The following FHAD1 variants were observed in gnomAD, a reference collection of about 807,000 sequenced individuals.
FHAD1 encodes the protein forkhead associated phosphopeptide binding domain 1.
In FHAD1, 146 loss-of-function variants were observed where a neutral mutation model predicts 191.3. The ratio of observed to expected loss-of-function variants is 0.76; its 90% confidence interval spans 0.67 to 0.88. FHAD1 has a LOEUF of 0.88. Among genes scored for constraint, FHAD1 ranks in the 40% least tolerant of loss-of-function variants. FHAD1 has a pLI of 0.00. For synonymous variants in FHAD1, 616 were observed against 672.3 expected (o/e 0.92, Z 1.29); for missense variants, 1,635 against 1,785.8 (o/e 0.92, Z 1.52).
chr1:15,382,750 A>G (rs1701202982), intron 31 of FHAD1, among the ~76,000 whole-genome samples: 1 of 152,212 alleles, frequency 6.6e-6, no homozygotes, highest in Non-Finnish European at 1.5e-5. Flanking sequence ...CAGTCCAGGA[A>G]GGGCACTCAG....
intron 21 of FHAD1, 85 bp downstream of exon 21, chr1:15,358,368 G>A (rs1177612404): frequency 3.7e-6 from 5 of 1,365,972 alleles, no homozygotes; most frequent in South Asian, 2.8e-5. Flanking sequence ...TTAGACCGGG[G>A]CTTCTCAGCC....
At chr1:15,296,588 G>C (rs1422920837) in intron 4 of FHAD1, 96 bp from the exon 5 acceptor site, 1 of 1,108,940 alleles carries the variant, frequency 9.0e-7, no homozygotes, top group Admixed American at 2.0e-5. Context: ...TCAATCTCTG[G>C]GGGGAAACAA....
intron 2 of FHAD1, among the ~76,000 whole-genome samples, chr1:15,257,517 G>A (rs1648804791): frequency 6.6e-6 from 1 of 152,194 alleles, no homozygotes; most frequent in South Asian, 2.1e-4. Context: ...ATCAGGACGC[G>A]CCCGTTCACC....
intron 2 of FHAD1, among the ~76,000 whole-genome samples, chr1:15,258,587 T>C (rs1649464696): frequency 6.6e-6 from 1 of 151,302 alleles, no homozygotes; most frequent in Non-Finnish European, 1.5e-5. Flanking sequence ...TGTCTCTCTT[T>C]TTTTTTTTTT....
Position 15,357,996 on chromosome 1 carries a change from G to A in FHAD1, c.2563-114G>A, listed in dbSNP as rs1005846715. The A allele has an allele frequency of 2.7e-5, 20 of 728,396 alleles. No individual in the cohort carries two copies. In the African/African-American group the frequency reaches 3.0e-4, roughly 11 times the overall value. 45.1% of individuals were successfully genotyped at this position (728,396 alleles called of 1,614,324 possible). A position where few individuals can be genotyped will look rare whatever the true frequency, so the allele number is the denominator to read the frequency against. ...ATGGACTTTGTGCTTTAAAAGAATC[G>A]ACAGAATAATTAGAGAATAGACTTT... On this transcript the variant is annotated intron_variant, in intron 20 of 33. Coordinates refer to ENST00000688493, the MANE Select transcript of FHAD1 (RefSeq NM_001391957.1).
intron 2 of FHAD1, among the ~76,000 whole-genome samples, chr1:15,269,521 A>G (rs1025481024): frequency 2.0e-5 from 3 of 152,202 alleles, no homozygotes; most frequent in South Asian, 2.1e-4. Context: ...GTCTGAGAGC[A>G]TATTCTACAT....
intron 2 of FHAD1, 37 bp downstream of exon 2, chr1:15,251,914 G>C: frequency 1.3e-6 from 2 of 1,506,774 alleles, no homozygotes. Context: ...TCCCCTCCCT[G>C]ACCCCTTCCT....
At chr1:15,391,705 GACA>G (rs1231466105) in intron 33 of FHAD1, among the ~76,000 whole-genome samples, 1 of 152,212 alleles carries the variant, frequency 6.6e-6, no homozygotes, top group African/African-American at 2.4e-5. Flanking sequence ...GTTATTCTGA[GACA>G]ACAAAATTGT....
chr1:15,365,949 G>C lies in FHAD1; in HGVS notation c.3154+16G>C. ...GATTTGAGAGGTTTGAACAATTTCT[G>C]GTGTCTCTTGACCTCCTGACCCACT... On this transcript the variant is annotated intron_variant, in intron 24 of 33. Transcript: ENST00000688493. 6.6e-7 allele frequency: 1 copy of C among 1,515,178 alleles called. No individual in the cohort carries two copies. The highest frequency in any genetic ancestry group is 9.0e-7 in the Non-Finnish European group (1 of 1,113,858). 93.9% of individuals were successfully genotyped at this position (1,515,178 alleles called of 1,614,324 possible). A position where few individuals can be genotyped will look rare whatever the true frequency, so the allele number is the denominator to read the frequency against.
chr1:15,319,064 A>G (rs1346263564), intron 10 of FHAD1, among the ~76,000 whole-genome samples: 3 of 152,100 alleles, frequency 2.0e-5, no homozygotes. Flanking sequence ...TGCTGGCCTC[A>G]AGCAGTCCTC....
chr1:15,315,616 G>A (rs1001831709), intron 8 of FHAD1, among the ~76,000 whole-genome samples: 4 of 151,028 alleles, frequency 2.6e-5, no homozygotes, highest in African/African-American at 9.7e-5. Context: ...CTCCCAAGTA[G>A]CTGGGACTAC....
intron 26 of FHAD1, among the ~76,000 whole-genome samples, chr1:15,372,979 C>A (rs1021646594): frequency 3.9e-5 from 6 of 152,182 alleles, no homozygotes; most frequent in Non-Finnish European, 7.4e-5. Flanking sequence ...AGCAACTACT[C>A]AATCCCCAGA....
chr1:15,290,196 GC>G (rs1319496761), intron 4 of FHAD1, among the ~76,000 whole-genome samples: 1 of 152,170 alleles, frequency 6.6e-6, no homozygotes. Flanking sequence ...CTCGGTGACA[GC>G]CCACTCACAA....
chr1:15,369,777 G>T (rs1448396554), intron 26 of FHAD1, among the ~76,000 whole-genome samples: 1 of 152,290 alleles, frequency 6.6e-6, no homozygotes, highest in East Asian at 1.9e-4. Context: ...TGAAGATCAG[G>T]TGTGGATTCG....
At chr1:15,296,381 G>A (rs1334387985) in intron 4 of FHAD1, among the ~76,000 whole-genome samples, 1 of 151,614 alleles carries the variant, frequency 6.6e-6, no homozygotes, top group East Asian at 1.9e-4. Context: ...AGCCTCCCGA[G>A]TAGCTGGGAC....
At chr1:15,340,616 A>C (rs1236276950) in intron 15 of FHAD1, among the ~76,000 whole-genome samples, 1 of 152,120 alleles carries the variant, frequency 6.6e-6, no homozygotes, top group Non-Finnish European at 1.5e-5. Flanking sequence ...CACATGGCTG[A>C]GTTCAGTGTC....
intron 4 of FHAD1, among the ~76,000 whole-genome samples, chr1:15,294,399 G>T (rs373080702): frequency 6.6e-6 from 1 of 151,964 alleles, no homozygotes; most frequent in South Asian, 2.1e-4. Flanking sequence ...GGGCTGTCCC[G>T]TGCATTGTTT....
chr1:15,299,489 T>C (rs1016121120), intron 5 of FHAD1, among the ~76,000 whole-genome samples: 1 of 152,142 alleles, frequency 6.6e-6, no homozygotes, highest in African/African-American at 2.4e-5. Flanking sequence ...CTCTTTTAAG[T>C]AATACATGAA....
rs528860406 is a variant in FHAD1 at position 15,237,988 on chromosome 1, T to C, written c.-15+1227T>C. Reference sequence around the variant, plus strand: ...ACTGTTGGCCAGGCGCGGTGGCTCATGCCTGTAATCCCAGCACTTTGGGAG... The same window carrying C: ...ACTGTTGGCCAGGCGCGGTGGCTCACGCCTGTAATCCCAGCACTTTGGGAG... On this transcript the variant is annotated intron_variant, in intron 1 of 33. Coordinates refer to the FHAD1 transcript ENST00000683790. 8.6e-5 allele frequency among the ~76,000 whole-genome samples: 13 copies of C among 151,968 alleles called. No individual in the cohort carries two copies. The East Asian group carries it at 2.5e-3, about 29-fold the overall frequency.
Sources: allele counts gnomAD v4.1 joint callset (sites outside exome capture counted in the v4.1 genomes callset), GRCh38; gene constraint gnomAD v4.1.1; transcripts MANE v1.5; gene names NCBI Gene and HGNC (gene_info 2026-07-23, HGNC 2026-07-21).